PTPRT: variants seen among roughly 807,000 people sequenced by gnomAD.
PTPRT encodes the protein receptor-type tyrosine-protein phosphatase T.
PTPRT carries 56 observed loss-of-function variants against 176.8 expected under a neutral mutation model. The observed-to-expected ratio is 0.32, with a 90% CI of 0.26 to 0.40. The LOEUF is 0.40. Ranked by LOEUF, PTPRT falls within the 10% of genes least tolerant of loss-of-function variation. The probability of loss-of-function intolerance (pLI) is 1.00; values close to 1 mark genes in which losing one functional copy is unlikely to be tolerated. For missense variants in PTPRT, 1,540 were observed against 1,908.2 expected (o/e 0.81, Z 3.60); for synonymous variants, 783 against 739.0 (o/e 1.06, Z -0.96).
intron 6 of PTPRT, among the ~76,000 whole-genome samples, chr20:42,739,422 A>ATACT (rs2076576799): frequency 6.6e-6 from 1 of 152,192 alleles, no homozygotes. Context: ...GACTATCAGT[A>ATACT]GCAGCAGACA....
At chr20:42,749,392 ACT>A (rs1205672716) in intron 6 of PTPRT, among the ~76,000 whole-genome samples, 2 of 151,870 alleles carry the variant, frequency 1.3e-5, no homozygotes, top group Admixed American at 6.6e-5. Context: ...GCTATCCCAG[ACT>A]CTTCCAGACT....
At chr20:42,701,866 T>C (rs959435065) in intron 6 of PTPRT, among the ~76,000 whole-genome samples, 2 of 152,158 alleles carry the variant, frequency 1.3e-5, no homozygotes, top group Non-Finnish European at 2.9e-5. Flanking sequence ...AAAGGTACTG[T>C]GGAACAGCTA....
chr20:42,681,830 T>C (rs1274170161), intron 6 of PTPRT, among the ~76,000 whole-genome samples: 1 of 152,144 alleles, frequency 6.6e-6, no homozygotes, highest in African/African-American at 2.4e-5. Flanking sequence ...GATACACATA[T>C]ACACAATGGA....
chr20:42,874,665 T>C (rs1239291183), intron 2 of PTPRT, among the ~76,000 whole-genome samples: 1 of 152,222 alleles, frequency 6.6e-6, no homozygotes, highest in Non-Finnish European at 1.5e-5. Context: ...TTACTGTAAC[T>C]CACTTTTGAG....
At chr20:42,595,827 C>T (rs1372299790) in intron 7 of PTPRT, among the ~76,000 whole-genome samples, 1 of 152,142 alleles carries the variant, frequency 6.6e-6, no homozygotes, top group Non-Finnish European at 1.5e-5. Flanking sequence ...CTCCTGGCAC[C>T]TCACCCCCAC....
intron 7 of PTPRT, among the ~76,000 whole-genome samples, chr20:42,560,527 CT>C (rs2072935112): frequency 1.3e-5 from 2 of 152,170 alleles, no homozygotes; most frequent in Admixed American, 1.3e-4. Flanking sequence ...AAAATGTCCT[CT>C]GGGGGAATAT....
intron 7 of PTPRT, among the ~76,000 whole-genome samples, chr20:42,478,891 G>T (rs62204927): frequency 1.3e-5 from 2 of 152,106 alleles, no homozygotes; most frequent in Non-Finnish European, 2.9e-5. Flanking sequence ...CTGAATAAAT[G>T]AATGAATAAG....
chr20:42,876,580 C>T lies in PTPRT; in HGVS notation c.214+9227G>A, dbSNP rs560689726. On this transcript the variant is annotated intron_variant, in intron 2 of 30. Coordinates refer to ENST00000373187, the MANE Select transcript of PTPRT (RefSeq NM_007050.6). ...CCAAGTGGCCCATCCTGACCAAAGCCTCGTCAAGCTCAGAGTCGGGCTCAA... is the reference window on the plus strand; with the variant it reads ...CCAAGTGGCCCATCCTGACCAAAGCTTCGTCAAGCTCAGAGTCGGGCTCAA... 2.0e-4 allele frequency among the ~76,000 whole-genome samples: 31 copies of T among 152,264 alleles called. 2 individuals are homozygous for T. In the South Asian group the frequency reaches 6.4e-3, roughly 32 times the overall value.
chr20:42,921,054 A>T, intron 1 of PTPRT, among the ~76,000 whole-genome samples: 1 of 152,196 alleles, frequency 6.6e-6, no homozygotes, highest in East Asian at 1.9e-4. Context: ...TCATGATGAA[A>T]TGTTAAGTGA....
intron 6 of PTPRT, among the ~76,000 whole-genome samples, chr20:42,716,868 G>C (rs914389366): frequency 1.1e-4 from 16 of 152,268 alleles, no homozygotes; most frequent in African/African-American, 3.9e-4. Context: ...AAAAAATGAT[G>C]AGTTCATGTC....
intron 2 of PTPRT, among the ~76,000 whole-genome samples, chr20:42,841,217 A>T (rs1254151745): frequency 6.6e-6 from 1 of 152,202 alleles, no homozygotes; most frequent in Non-Finnish European, 1.5e-5. Flanking sequence ...ACCAGGAACA[A>T]GGCCCACTAA....
intron 1 of PTPRT, among the ~76,000 whole-genome samples, chr20:43,165,956 G>A (rs1299163135): frequency 5.3e-5 from 8 of 151,482 alleles, no homozygotes; most frequent in African/African-American, 1.5e-4. Context: ...TTGGGAGGCC[G>A]AGGCAGGCAG....
intron 1 of PTPRT, among the ~76,000 whole-genome samples, chr20:43,070,302 G>C (rs1011940937): frequency 2.6e-5 from 4 of 152,058 alleles, no homozygotes; most frequent in East Asian, 1.9e-4. Context: ...TTAGAATGGC[G>C]ATCATTAAAA....
At chr20:42,647,427 G>A (rs1057412126) in intron 7 of PTPRT, among the ~76,000 whole-genome samples, 8 of 152,100 alleles carry the variant, frequency 5.3e-5, no homozygotes, top group East Asian at 1.9e-4. Context: ...CTGGTGTCCC[G>A]TCAACAGCCC....
chr20:42,668,354 A>G (rs6065522), intron 7 of PTPRT, among the ~76,000 whole-genome samples: 25,544 of 152,078 alleles, frequency 0.17, 2,464 homozygotes, highest in East Asian at 0.25. Context: ...CAAAATAAAC[A>G]CTGCCACCTT....
chr20:42,717,760 G>GACTCA (rs1220701776), intron 6 of PTPRT, among the ~76,000 whole-genome samples: 2 of 152,036 alleles, frequency 1.3e-5, no homozygotes, highest in Non-Finnish European at 2.9e-5. Context: ...TGTATACAAG[G>GACTCA]ACTCAGATCT....
intron 9 of PTPRT, among the ~76,000 whole-genome samples, chr20:42,438,270 G>T (rs914312978): frequency 6.6e-6 from 1 of 152,150 alleles, no homozygotes; most frequent in Admixed American, 6.5e-5. Context: ...CAATTTAACC[G>T]GGAGACTTTT....
chr20:42,174,447 T>C lies in PTPRT; in HGVS notation c.2492-12905A>G, dbSNP rs557517033. On this transcript the variant is annotated intron_variant, in intron 16 of 30. Coordinates refer to ENST00000373187, the MANE Select transcript of PTPRT (RefSeq NM_007050.6). ...GCGACTCTGCATGTCAGTTCTGTGT[T>C]TCACAGAGCCACTACCAGCATAAAT... Among the ~76,000 whole-genome samples, 7 of 152,270 alleles carry C rather than the reference T, an allele frequency of 4.6e-5. No individual in the cohort carries two copies. The East Asian group carries it at 1.4e-3, about 29-fold the overall frequency.
intron 12 of PTPRT, among the ~76,000 whole-genome samples, chr20:42,294,204 G>A (rs13040321): frequency 4.6e-5 from 7 of 151,904 alleles, no homozygotes; most frequent in Non-Finnish European, 7.4e-5. Context: ...TCTAAAATAC[G>A]TTCCAGAAAG....
Sources: allele counts gnomAD v4.1 joint callset (sites outside exome capture counted in the v4.1 genomes callset), GRCh38; gene constraint gnomAD v4.1.1; transcripts MANE v1.5; gene names NCBI Gene and HGNC (gene_info 2026-07-23, HGNC 2026-07-21).